The following MEF2B variants were observed in gnomAD, a reference collection of about 807,000 sequenced individuals.
The protein encoded by MEF2B is myocyte enhancer factor 2B, also known as myocyte-specific enhancer factor 2B.
A neutral mutation model predicts 32.2 loss-of-function variants in MEF2B; 15 were observed. The ratio of observed to expected loss-of-function variants is 0.47; its 90% confidence interval spans 0.31 to 0.72. MEF2B has a LOEUF of 0.72. Among genes scored for constraint, MEF2B ranks in the 30% least tolerant of loss-of-function variants. The pLI is 0.05. For missense variants in MEF2B, 441 were observed against 511.5 expected, an observed-to-expected ratio of 0.86 and a Z score of 1.33; for synonymous variants, 205 against 225.6, an observed-to-expected ratio of 0.91 and a Z score of 0.82.
intron 1 of MEF2B, among the ~76,000 whole-genome samples, chr19:19,158,708 A>C (rs1441936312): frequency 6.6e-6 from 1 of 151,398 alleles, no homozygotes; most frequent in Non-Finnish European, 1.5e-5. Context: ...CAGTGAGCCA[A>C]GATCACACCA....
chr19:19,150,468 A>G (rs1293700642), intron 2 of MEF2B, among the ~76,000 whole-genome samples: 2 of 150,200 alleles, frequency 1.3e-5, no homozygotes, highest in Admixed American at 1.3e-4. Flanking sequence ...AGGTTGCAGT[A>G]AGCTGAGATT....
intron 3 of MEF2B, among the ~76,000 whole-genome samples, chr19:19,148,965 G>C (rs2060051010): frequency 6.6e-6 from 1 of 151,908 alleles, no homozygotes; most frequent in Non-Finnish European, 1.5e-5. Flanking sequence ...GCCCACTTCG[G>C]CCTCCCAAAG....
chr19:19,146,680 G>A (rs2060029006), intron 6 of MEF2B, 32 bp from the exon 7 acceptor site: 1 of 1,613,372 alleles, frequency 6.2e-7, no homozygotes, highest in African/African-American at 1.3e-5. Flanking sequence ...GGGAAACTGA[G>A]GCCCACACCC....
At chr19:19,153,328 C>T (rs2060097900) in intron 1 of MEF2B, among the ~76,000 whole-genome samples, 1 of 152,068 alleles carries the variant, frequency 6.6e-6, no homozygotes, top group African/African-American at 2.4e-5. Flanking sequence ...GAGTTCCAGG[C>T]AGAAGGAAGA....
intron 1 of MEF2B, among the ~76,000 whole-genome samples, chr19:19,167,725 G>A (rs2060220804): frequency 6.6e-6 from 1 of 152,186 alleles, no homozygotes; most frequent in Non-Finnish European, 1.5e-5. Context: ...AAAGCCAAGA[G>A]TGGGTTCAGC....
At position 19,145,828 on chromosome 19, in the gene MEF2B, C is replaced by T. The variant is rs773229099; in HGVS notation, c.1076G>A (p.Arg359Gln). ...EPLRPGPALR[R>Q]LPLADGWPR Reference sequence around the variant, plus strand: ...GGGCCAGCCGTCGGCCAAGGGCAGCCGGCGCAGGGCGGGCCCAGGCCGCAG... The same window carrying T: ...GGGCCAGCCGTCGGCCAAGGGCAGCTGGCGCAGGGCGGGCCCAGGCCGCAG... Residue 359 changes from arginine (R) to glutamine (Q), a missense_variant, in exon 9 of 9, where the codon CGG becomes CAG. Coordinates refer to ENST00000424583, the MANE Select transcript of MEF2B (RefSeq NM_001145785.2). This position sits in a 1 kb window ranked among gnomAD's most constrained non-coding sequence, Gnocchi z 4.6. The T allele has an allele frequency of 3.9e-6, 6 of 1,525,536 alleles. No individual in the cohort carries two copies. The South Asian group carries it at 4.9e-5, about 12-fold the overall frequency. The allele number at this position is 1,525,536 out of a possible 1,614,324, so 94.5% of individuals were successfully genotyped here. A position where few individuals can be genotyped will look rare whatever the true frequency, so the allele number is the denominator to read the frequency against.
At chr19:19,149,076 A>T in intron 3 of MEF2B, 150 bp downstream of exon 3, 1 of 954,190 alleles carries the variant, frequency 1.0e-6, no homozygotes, top group Non-Finnish European at 1.5e-6. Context: ...GGATGAGTGG[A>T]GGGTCCCTTC....
chr19:19,162,660 G>A (rs1041300684), intron 1 of MEF2B, among the ~76,000 whole-genome samples: 27 of 152,116 alleles, frequency 1.8e-4, no homozygotes, highest in African/African-American at 6.3e-4. Flanking sequence ...CTCTCCCTGG[G>A]CCTGCTCCTG....
At chr19:19,148,905 T>C (rs2060050532) in intron 3 of MEF2B, among the ~76,000 whole-genome samples, 1 of 151,778 alleles carries the variant, frequency 6.6e-6, no homozygotes, top group South Asian at 2.1e-4. Context: ...AGAGACTGGG[T>C]TTTGCCATGT....
chr19:19,164,741 G>C (rs766521830), intron 1 of MEF2B, among the ~76,000 whole-genome samples: 4 of 152,150 alleles, frequency 2.6e-5, no homozygotes, highest in African/African-American at 7.2e-5. Flanking sequence ...TTGAACCCAG[G>C]AGTCAGAGGT....
At chr19:19,148,721 T>G (rs1251023649) in intron 3 of MEF2B, among the ~76,000 whole-genome samples, 1 of 150,794 alleles carries the variant, frequency 6.6e-6, no homozygotes, top group Admixed American at 6.6e-5. Flanking sequence ...ATTTATTTAT[T>G]TATTTTTTGA....
chr19:19,152,496 G>A (rs2060091644), intron 1 of MEF2B, among the ~76,000 whole-genome samples: 1 of 152,098 alleles, frequency 6.6e-6, no homozygotes, highest in Admixed American at 6.5e-5. Context: ...ACGAGGTCAG[G>A]CGTTCGAGAC....
At chr19:19,148,964 G>A (rs927241695) in intron 3 of MEF2B, among the ~76,000 whole-genome samples, 5 of 151,802 alleles carry the variant, frequency 3.3e-5, no homozygotes, top group Admixed American at 1.3e-4. Flanking sequence ...TGCCCACTTC[G>A]GCCTCCCAAA....
chr19:19,153,044 G>A (rs550713744), intron 1 of MEF2B, among the ~76,000 whole-genome samples: 1 of 152,208 alleles, frequency 6.6e-6, no homozygotes, highest in Non-Finnish European at 1.5e-5. Flanking sequence ...ACCCTGATGG[G>A]TCCCTGGGGG....
At chr19:19,152,737 G>A (rs1018307318) in intron 1 of MEF2B, among the ~76,000 whole-genome samples, 3 of 152,304 alleles carry the variant, frequency 2.0e-5, no homozygotes, top group Admixed American at 2.0e-4. Context: ...TTGTTCTCTG[G>A]GAGTGTTCTC....
At chr19:19,158,340 AGGG>A (rs758315356) in intron 1 of MEF2B, among the ~76,000 whole-genome samples, 147,190 of 147,198 alleles carry the variant, frequency 1, 73,591 homozygotes, top group Middle Eastern at 1. Flanking sequence ...TGCCCACCTC[AGGG>A]GCCAAAGTGC....
intron 1 of MEF2B, among the ~76,000 whole-genome samples, chr19:19,164,541 C>T (rs1013383892): frequency 1.4e-4 from 21 of 152,298 alleles, no homozygotes; most frequent in Admixed American, 2.6e-4. Flanking sequence ...AGGCCGGGTG[C>T]GGTGGCTCAC....
chr19:19,150,610 C>A, intron 2 of MEF2B, 72 bp downstream of exon 2: 1 of 1,605,330 alleles, frequency 6.2e-7, no homozygotes, highest in South Asian at 1.1e-5. Flanking sequence ...TTGGTCAGGT[C>A]AGTCCCTTGC....
At chr19:19,164,819 G>A (rs2060194001) in intron 1 of MEF2B, among the ~76,000 whole-genome samples, 1 of 152,190 alleles carries the variant, frequency 6.6e-6, no homozygotes, top group Non-Finnish European at 1.5e-5. Context: ...ATGCAGGCTA[G>A]AGTCTAAGGC....
Sources: gnomAD v4.1 joint callset for allele counts (sites outside exome capture counted in the v4.1 genomes callset) on GRCh38, gnomAD v4.1.1 for gene constraint, Gnocchi (gnomAD v3.1) non-coding constraint, MANE v1.5 for transcripts, NCBI Gene and HGNC (gene_info 2026-07-23, HGNC 2026-07-21) for gene names.